Variants in UBB observed in about 807,000 individuals in gnomAD.
UBB encodes the protein ubiquitin B.
A neutral mutation model predicts 12.5 loss-of-function variants in UBB; 11 were observed. That is an observed-to-expected ratio of 0.88 (90% confidence interval 0.55 to 1.45). UBB has a LOEUF of 1.45. Ranked by LOEUF, UBB falls within the 40% of genes most tolerant of loss-of-function variation. UBB has a pLI of 0.00. For missense variants in UBB, 76 were observed against 286.9 expected, an observed-to-expected ratio of 0.26 and a Z score of 5.31; for synonymous variants, 168 against 120.1, an observed-to-expected ratio of 1.40 and a Z score of -2.61.
chr17:16,381,210 T>C (rs188226365), intron 1 of UBB, 26 bp downstream of exon 1: 1,386 of 137,936 alleles, frequency 0.01, 25 homozygotes, highest in African/African-American at 0.036. Flanking sequence ...CGTAACGACC[T>C]TGGGGGGGTG....
Position 16,381,893 on chromosome 17 carries a change from T to C in UBB, c.-6-9T>C. ...GAGGTGACACGCTTATGTTTTACTT[T>C]TAAACTAGGTCAAAATGCAGATCTT... On this transcript the variant is annotated splice_polypyrimidine_tract_variant and intron_variant, in intron 1 of 1. Coordinates refer to ENST00000302182, the MANE Select transcript of UBB (RefSeq NM_018955.4). The C allele has an allele frequency of 6.2e-7, 1 of 1,613,788 alleles. No homozygotes were observed. Among genetic ancestry groups the C allele is most frequent in the Non-Finnish European group, 8.5e-7 (1 of 1,179,788 alleles).
rs113860592 is a variant in UBB, at chr17:16,381,898, C to T, written c.-6-4C>T. 18 of 1,613,770 alleles carry T rather than the reference C, an allele frequency of 1.1e-5. No homozygotes were observed. Among genetic ancestry groups the T allele is most frequent in the Non-Finnish European group, 1.4e-5 (17 of 1,179,852 alleles). ...GACACGCTTATGTTTTACTTTTAAACTAGGTCAAAATGCAGATCTTCGTGA... is the reference window on the plus strand; with the variant it reads ...GACACGCTTATGTTTTACTTTTAAATTAGGTCAAAATGCAGATCTTCGTGA... On this transcript the variant is annotated splice_polypyrimidine_tract_variant and splice_region_variant and intron_variant, in intron 1 of 1. Transcript: ENST00000302182.
At position 16,382,062 on chromosome 17, in the gene UBB, A is replaced by G. The variant is rs759399644; in HGVS notation, c.155A>G (p.Asp52Gly). The part of the protein sequence containing the change: ...RLIFAGKQLE[D>G]GRTLSDYNIQ... Reference sequence around the variant, plus strand: ...ATCTTTGCAGGCAAGCAGCTGGAAGATGGCCGTACTCTTTCTGACTACAAC... The same window carrying G: ...ATCTTTGCAGGCAAGCAGCTGGAAGGTGGCCGTACTCTTTCTGACTACAAC... Residue 52 changes from aspartate (D) to glycine (G), a missense_variant, in exon 2 of 2, where the codon GAT becomes GGT. By Grantham distance (94) the Asp-to-Gly change is moderately conservative (BLOSUM62 -1). Transcript: ENST00000302182. 6.2e-7 allele frequency: 1 copy of G among 1,611,486 alleles called. No homozygotes were observed.
At position 16,381,536 on chromosome 17, in the gene UBB, A is replaced by G. The variant is rs543915998; in HGVS notation, c.-7+352A>G. 5.2e-4 allele frequency: 139 copies of G among 266,098 alleles called. 2 individuals carry two copies. Among genetic ancestry groups the G allele is most frequent in the South Asian group, 3.7e-3 (83 of 22,154 alleles). 16.5% of individuals were successfully genotyped at this position (266,098 alleles called of 1,614,324 possible). ...GAAAGGTGCCCCTTCTTGTGTTTCA[A>G]TGGGATTTTTATTTCGCGAGTCTTG... On this transcript the variant is annotated intron_variant, in intron 1 of 1. Coordinates refer to ENST00000302182, the MANE Select transcript of UBB (RefSeq NM_018955.4).
chr17:16,381,691 C>G, intron 1 of UBB: 1 of 681,828 alleles, frequency 1.5e-6, no homozygotes, highest in Non-Finnish European at 2.4e-6. Context: ...TAAGAGAGCG[C>G]TCTGGATTTT....
At chr17:16,381,509 G>A (rs1047123476) in intron 1 of UBB, 1 of 225,030 alleles carries the variant, frequency 4.4e-6, no homozygotes, top group African/African-American at 2.3e-5. Context: ...ATCCCAGTGT[G>A]AGAAAGGTGC....
Position 16,382,555 on chromosome 17 carries a change from G to A in UBB, c.648G>A (p.Glu216=). 1 of 1,613,940 alleles carries A rather than the reference G, an allele frequency of 6.2e-7. No homozygotes were observed. The highest frequency in any genetic ancestry group is 8.5e-7 in the Non-Finnish European group (1 of 1,179,882). ...TTTCTGACTACAACATCCAGAAAGA[G>A]TCGACCCTGCACCTGGTCCTGCGCC... ...RTLSDYNIQK[E]STLHLVLRLR... Residue 216 remains glutamate, a synonymous_variant, in exon 2 of 2, where the codon GAG becomes GAA. Transcript: ENST00000302182.
intron 1 of UBB, chr17:16,381,566 T>G: frequency 3.3e-6 from 1 of 304,536 alleles, no homozygotes. Context: ...GTCTTGTGGG[T>G]TTGGTTTTGT....
At chr17:16,381,359 G>C (rs970889014) in intron 1 of UBB, 175 bp downstream of exon 1, 14 of 176,464 alleles carry the variant, frequency 7.9e-5, no homozygotes, top group South Asian at 4.7e-4. Flanking sequence ...TTGACCTGAG[G>C]GGGGCGAGGG....
Position 16,382,126 on chromosome 17 carries a change from G to C in UBB, c.219G>C (p.Leu73=). The change falls in exon 2 of 2, where the codon CTG becomes CTC. Residue 73 remains leucine, a synonymous_variant. Coordinates refer to ENST00000302182, the MANE Select transcript of UBB (RefSeq NM_018955.4). ...KESTLHLVLR[L]RGGMQIFVKT... Reference sequence around the variant, plus strand: ...CGACCCTGCACCTGGTCCTGCGTCTGAGAGGTGGTATGCAGATCTTCGTGA... The same window carrying C: ...CGACCCTGCACCTGGTCCTGCGTCTCAGAGGTGGTATGCAGATCTTCGTGA... The C allele has an allele frequency of 6.3e-7, 1 of 1,599,558 alleles. No individual in the cohort carries two copies. Among genetic ancestry groups the C allele is most frequent in the South Asian group, 1.1e-5 (1 of 90,464 alleles).
At chr17:16,381,798 A>G in intron 1 of UBB, 104 bp from the exon 2 acceptor site, 1 of 1,371,686 alleles carries the variant, frequency 7.3e-7, no homozygotes, top group Non-Finnish European at 9.9e-7. Context: ...AACGTATTTA[A>G]GGCATTTTGA....
chr17:16,381,703 C>A, intron 1 of UBB, 199 bp from the exon 2 acceptor site: 2 of 735,710 alleles, frequency 2.7e-6, no homozygotes, highest in South Asian at 1.9e-5. Flanking sequence ...CTGGATTTTC[C>A]GCTGTTGACG....
rs901554155 is a variant in UBB at position 16,382,709 on chromosome 17, C to G, written c.*112C>G. ...AGTTTCAGTAATAGCTGAACCTGTT[C>G]AAAATGTTAATAAAGGTTTCGTTGC... On this transcript the variant is annotated 3_prime_UTR_variant, in exon 2 of 2. Coordinates refer to ENST00000302182, the MANE Select transcript of UBB (RefSeq NM_018955.4). 1.4e-6 allele frequency: 2 copies of G among 1,406,630 alleles called. No individual in the cohort carries two copies. Among genetic ancestry groups the G allele is most frequent in the African/African-American group, 2.9e-5 (2 of 69,282 alleles). The allele number at this position is 1,406,630 out of a possible 1,614,324, so 87.1% of individuals were successfully genotyped here.
In UBB at chr17:16,382,117, C is replaced by G. The variant is rs531829831; in HGVS notation, c.210C>G (p.Val70=). 5 of 1,597,664 alleles carry G rather than the reference C, an allele frequency of 3.1e-6. No individual in the cohort carries two copies. Among genetic ancestry groups the G allele is most frequent in the East Asian group, 4.5e-5 (2 of 44,272 alleles). Reference sequence around the variant, plus strand: ...AGAAGGAGTCGACCCTGCACCTGGTCCTGCGTCTGAGAGGTGGTATGCAGA... The same window carrying G: ...AGAAGGAGTCGACCCTGCACCTGGTGCTGCGTCTGAGAGGTGGTATGCAGA... The part of the protein sequence containing the change: ...NIQKESTLHL[V]LRLRGGMQIF... The change falls in exon 2 of 2, where the codon GTC becomes GTG. Residue 70 remains valine, a synonymous_variant. Coordinates refer to ENST00000302182, the MANE Select transcript of UBB (RefSeq NM_018955.4).
intron 1 of UBB, 150 bp downstream of exon 1, chr17:16,381,334 GGACAGTGGGCCTTGTT>G (rs2093274415): frequency 1.8e-5 from 3 of 169,680 alleles, no homozygotes; most frequent in Non-Finnish European, 3.8e-5. Flanking sequence ...GGCCTTTCCG[GGACAGTGGGCCTTGTT>G]GACCTGAGGG....
At chr17:16,381,702 C>T (rs2142924229) in intron 1 of UBB, 200 bp from the exon 2 acceptor site, 3 of 728,696 alleles carry the variant, frequency 4.1e-6, no homozygotes, top group Middle Eastern at 4.0e-4. Context: ...TCTGGATTTT[C>T]CGCTGTTGAC....
chr17:16,382,645 A>G lies in UBB; in HGVS notation c.*48A>G, dbSNP rs369275749. 4.4e-6 allele frequency: 7 copies of G among 1,599,048 alleles called. No individual in the cohort carries two copies. The highest frequency in any genetic ancestry group is 6.0e-6 in the Non-Finnish European group (7 of 1,170,622). ...GTGCCCAGTGATGGCATTACTCTGC[A>G]CTATAGCCATTTGCCCCAACTTAAG... is the stretch of plus-strand genomic sequence containing the variant. On this transcript the variant is annotated 3_prime_UTR_variant, in exon 2 of 2. Coordinates refer to ENST00000302182, the MANE Select transcript of UBB (RefSeq NM_018955.4).
chr17:16,381,783 A>C, intron 1 of UBB, 119 bp from the exon 2 acceptor site: 1 of 1,286,636 alleles, frequency 7.8e-7, no homozygotes, highest in Non-Finnish European at 1.1e-6. Flanking sequence ...GGCTTGCGGA[A>C]TATTAACGTA....
At chr17:16,381,518 G>T (rs1217400580) in intron 1 of UBB, 18 of 236,976 alleles carry the variant, frequency 7.6e-5, no homozygotes, top group Non-Finnish European at 1.3e-4. Flanking sequence ...TGAGAAAGGT[G>T]CCCCTTCTTG....
Sources: allele counts gnomAD v4.1 joint callset, GRCh38; gene constraint gnomAD v4.1.1; transcripts MANE v1.5; gene names NCBI Gene and HGNC (gene_info 2026-07-23, HGNC 2026-07-21).